ICE2: variants seen among roughly 807,000 people sequenced by gnomAD.
ICE2 encodes the protein interactor of little elongation complex ELL subunit 2, also known as little elongation complex subunit 2.
A neutral mutation model predicts 105.4 loss-of-function variants in ICE2; 87 were observed. The observed-to-expected ratio is 0.83, with a 90% CI of 0.69 to 0.99. The LOEUF (loss-of-function observed/expected upper bound fraction) is 0.99, where lower values mean the gene tolerates loss of function less well. Among genes scored for constraint, ICE2 ranks in the 50% least tolerant of loss-of-function variants. The pLI, the probability that ICE2 is intolerant of heterozygous loss-of-function variation, is 0.00. For synonymous variants in ICE2, 399 were observed against 392.0 expected (o/e 1.02, Z -0.21); for missense variants, 1,323 against 1,146.7 (o/e 1.15, Z -2.22).
At chr15:60,477,898 C>T (rs2064810830) in intron 2 of ICE2, 39 bp downstream of exon 2, 1 of 1,559,708 alleles carries the variant, frequency 6.4e-7, no homozygotes, top group East Asian at 2.2e-5. Flanking sequence ...AGCCCCACTA[C>T]ACTCCTCTTC....
At chr15:60,442,706 G>A (rs2063744677) in intron 11 of ICE2, 161 bp from the exon 12 acceptor site, 1 of 515,898 alleles carries the variant, frequency 1.9e-6, no homozygotes, top group Admixed American at 4.1e-5. Flanking sequence ...ATACATTCAG[G>A]CCTGATGAAT....
At position 60,449,260 on chromosome 15, in the gene ICE2, G is replaced by A. The variant is rs376087170; in HGVS notation, c.1707C>T (p.Cys569=). The stretch of plus-strand genomic sequence containing the variant: ...AACACTCCTCATCTGTATCACTGCT[G>A]CAGAGAACTGTATCTTCAGTTTTTG... ...EAAKTEDTVL[C]SSDTDEECLI... The change falls in exon 10 of 16, where the codon TGC becomes TGT. Residue 569 remains cysteine (C), a synonymous_variant. Coordinates refer to ENST00000261520, the MANE Select transcript of ICE2 (RefSeq NM_024611.6). The A allele has an allele frequency of 6.8e-6, 11 of 1,613,452 alleles. No individual in the cohort carries two copies. Among genetic ancestry groups the A allele is most frequent in the Non-Finnish European group, 9.3e-6 (11 of 1,179,914 alleles).
intron 15 of ICE2, among the ~76,000 whole-genome samples, chr15:60,425,562 C>T (rs1378164958): frequency 1.3e-5 from 2 of 152,180 alleles, no homozygotes; most frequent in Non-Finnish European, 2.9e-5. Context: ...ACAATCTCTA[C>T]TTGATGCAGT....
chr15:60,459,477 G>T (rs959843770), intron 5 of ICE2, among the ~76,000 whole-genome samples: 4 of 152,122 alleles, frequency 2.6e-5, no homozygotes, highest in Non-Finnish European at 1.5e-5. Context: ...CAAAAATGGA[G>T]ACTGTTCACC....
At chr15:60,434,330 T>C (rs1369020674) in intron 13 of ICE2, among the ~76,000 whole-genome samples, 1 of 152,220 alleles carries the variant, frequency 6.6e-6, no homozygotes, top group African/African-American at 2.4e-5. Flanking sequence ...TTGACTGTAC[T>C]ATCCTTTCCC....
rs1329044921 is a variant in ICE2 at position 60,421,378 on chromosome 15, G to A, written c.*2256C>T. On this transcript the variant is annotated 3_prime_UTR_variant, in exon 16 of 16. Transcript: ENST00000261520. Reference sequence around the variant, plus strand: ...TTACATCCTGCTAAACATATTGTCAGTTACTTCTTGGCTTATAAATTCTCA... The same window carrying A: ...TTACATCCTGCTAAACATATTGTCAATTACTTCTTGGCTTATAAATTCTCA... 1 of 151,986 alleles carries A rather than the reference G, an allele frequency of 6.6e-6. No individual in the cohort carries two copies. Among genetic ancestry groups the A allele is most frequent in the Non-Finnish European group, 1.5e-5 (1 of 68,026 alleles). 9.4% of individuals were successfully genotyped at this position (151,986 alleles called of 1,614,324 possible).
chr15:60,476,063 C>T lies in ICE2; in HGVS notation c.146G>A (p.Arg49Lys). 1.3e-6 allele frequency: 2 copies of T among 1,560,602 alleles called. No homozygotes were observed. The highest frequency in any genetic ancestry group is 1.7e-6 in the Non-Finnish European group (2 of 1,147,844). Residue 49 changes from arginine (R) to lysine (K), a missense_variant and splice_region_variant, in exon 3 of 16, where the codon AGA becomes AAA. Transcript: ENST00000261520. ...SLKELRVLSN[R>K]RIGENLNASA... ...ATAAATAACCAAATAAACATATTACCTGTTGGATAAAACACGTAGTTCTTT... is the reference window on the plus strand; with the variant it reads ...ATAAATAACCAAATAAACATATTACTTGTTGGATAAAACACGTAGTTCTTT...
chr15:60,440,449 A>C (rs1479456699), intron 12 of ICE2: 1 of 152,234 alleles, frequency 6.6e-6, no homozygotes, highest in Non-Finnish European at 1.5e-5. Context: ...AGATAAAAAG[A>C]GTACTGCAAC....
intron 8 of ICE2, chr15:60,454,698 T>C (rs4774363): frequency 4.5e-6 from 1 of 220,166 alleles, no homozygotes; most frequent in Non-Finnish European, 8.8e-6. Context: ...TTCTTTTTTT[T>C]AAATTTTACT....
chr15:60,476,307 A>T, intron 2 of ICE2, 140 bp from the exon 3 acceptor site: 1 of 598,656 alleles, frequency 1.7e-6, no homozygotes, highest in Admixed American at 3.3e-5. Context: ...TACTATGTTT[A>T]ATTTCATATA....
chr15:60,459,704 G>A (rs1335080793), intron 5 of ICE2, among the ~76,000 whole-genome samples: 4 of 152,160 alleles, frequency 2.6e-5, no homozygotes, highest in African/African-American at 9.7e-5. Context: ...CAAGAGGGAT[G>A]TAATGAGAGT....
chr15:60,466,742 G>A, intron 4 of ICE2, 29 bp from the exon 5 acceptor site: 1 of 1,539,136 alleles, frequency 6.5e-7, no homozygotes, highest in Non-Finnish European at 8.8e-7. Flanking sequence ...GACATGTCTT[G>A]GGATAAAAAG....
chr15:60,445,914 T>C (rs1451394716), intron 11 of ICE2: 4 of 285,320 alleles, frequency 1.4e-5, no homozygotes, highest in Non-Finnish European at 2.1e-5. Flanking sequence ...AAATACAATC[T>C]ATAGGACTGA....
chr15:60,454,205 G>A (rs561442881), intron 8 of ICE2, among the ~76,000 whole-genome samples: 6 of 152,142 alleles, frequency 3.9e-5, no homozygotes, highest in African/African-American at 1.4e-4. Flanking sequence ...AACTCTGAAA[G>A]ATGTTTAAAA....
Position 60,449,618 on chromosome 15 carries a change from G to A in ICE2, c.1349C>T (p.Ser450Phe), listed in dbSNP as rs567141472. 8 of 1,614,166 alleles carry A rather than the reference G, an allele frequency of 5.0e-6. No individual in the cohort carries two copies. Among genetic ancestry groups the A allele is most frequent in the Non-Finnish European group, 6.8e-6 (8 of 1,180,032 alleles). ...CTGAGATAAACTTCTAGAATTAGCA[G>A]AAATGTCTGGTGCACTTGGTGCCAC... ...TTVAPSAPDI[S>F]ANSRSLSQIL... The change falls in exon 10 of 16, where the codon TCT (serine) becomes TTT (phenylalanine). Residue 450 changes from serine (S) to phenylalanine (F), a missense_variant. Coordinates refer to ENST00000261520, the MANE Select transcript of ICE2 (RefSeq NM_024611.6).
Position 60,429,512 on chromosome 15 carries a change from A to G in ICE2, c.2562-825T>C, listed in dbSNP as rs8030548. Among the ~76,000 whole-genome samples the G allele has an allele frequency of 6.9e-3, 1,051 of 152,288 alleles. 9 individuals are homozygous for G. Among genetic ancestry groups the G allele is most frequent in the African/African-American group, 0.019 (793 of 41,566 alleles). ...TCCTTATAAAGTTTTAAATAATTCA[A>G]TGTATCATCTTAAAGAACTAAAGGG... On this transcript the variant is annotated intron_variant, in intron 14 of 15. Transcript: ENST00000261520.
intron 6 of ICE2, 69 bp downstream of exon 6, chr15:60,456,582 TATACAC>T (rs1224034591): frequency 4.6e-5 from 6 of 129,276 alleles, no homozygotes; most frequent in South Asian, 1.5e-4. Flanking sequence ...TATATATATA[TATACAC>T]ACACACACAC....
rs1184673980 is a variant in ICE2 at position 60,420,945 on chromosome 15, A to G, written c.*2689T>C. 6.7e-6 allele frequency: 1 copy of G among 150,040 alleles called. No homozygotes were observed. Among genetic ancestry groups the G allele is most frequent in the Non-Finnish European group, 1.5e-5 (1 of 66,746 alleles). The allele number at this position is 150,040 out of a possible 1,614,324, so 9.3% of individuals were successfully genotyped here. A position where few individuals can be genotyped will look rare whatever the true frequency, so the allele number is the denominator to read the frequency against. On this transcript the variant is annotated 3_prime_UTR_variant, in exon 16 of 16. Transcript: ENST00000261520. ...GTGTTTATTACTTAATGGTGAACAA[A>G]ACAAATATGCCCCTGTCCTTGCAGA...
intron 13 of ICE2, among the ~76,000 whole-genome samples, chr15:60,432,210 G>A (rs1255477627): frequency 1.6e-5 from 2 of 125,188 alleles, no homozygotes; most frequent in African/African-American, 6.4e-5. Flanking sequence ...TTGAGATGGA[G>A]TCCTGCTCTG....
Sources: gnomAD v4.1 joint callset for allele counts (sites outside exome capture counted in the v4.1 genomes callset) on GRCh38, gnomAD v4.1.1 for gene constraint, MANE v1.5 for transcripts, NCBI Gene and HGNC (gene_info 2026-07-23, HGNC 2026-07-21) for gene names.